INTS8: variants seen among roughly 807,000 people sequenced by gnomAD.
The protein encoded by INTS8 is protein kaonashi-1.
A neutral mutation model predicts 138.9 loss-of-function variants in INTS8; 47 were observed. The observed-to-expected ratio is 0.34, with a 90% CI of 0.27 to 0.43. The LOEUF (loss-of-function observed/expected upper bound fraction) is 0.43. Ranked by LOEUF, INTS8 falls within the 20% of genes least tolerant of loss-of-function variation. INTS8 has a pLI of 1.00. For missense variants in INTS8, 996 were observed against 1,173.0 expected (o/e 0.85, Z 2.20); for synonymous variants, 392 against 400.9 (o/e 0.98, Z 0.27).
At chr8:94,869,565 T>C (rs182971241) in intron 20 of INTS8, among the ~76,000 whole-genome samples, 17 of 152,240 alleles carry the variant, frequency 1.1e-4, no homozygotes, top group Non-Finnish European at 1.9e-4. Context: ...TGATCTCAGC[T>C]CACTGCAACC....
intron 6 of INTS8, among the ~76,000 whole-genome samples, chr8:94,832,917 G>A (rs555560250): frequency 6.6e-6 from 1 of 152,260 alleles, no homozygotes; most frequent in South Asian, 2.1e-4. Context: ...GTCTCCCAAA[G>A]TGCTGGGATT....
chr8:94,841,513 A>T lies in INTS8; in HGVS notation c.1040A>T (p.Glu347Val). Residue 347 changes from glutamate to valine, a missense_variant, in exon 9 of 27, where the codon GAA becomes GTA. Glu to Val is a moderately radical substitution (Grantham distance 121, BLOSUM62 -2). Transcript: ENST00000523731. ...TAGGAGGTAATACAGATTTTCATTG[A>T]AGACAACTTAACCTTGAGTTTACCT... is the stretch of plus-strand genomic sequence containing the variant. Reference protein sequence around the residue: ...NYQEVIQIFIEDNLTLSLPVQ... With the variant: ...NYQEVIQIFIVDNLTLSLPVQ... 1 of 1,601,820 alleles carries T rather than the reference A, an allele frequency of 6.2e-7. No homozygotes were observed. Among genetic ancestry groups the T allele is most frequent in the Non-Finnish European group, 8.5e-7 (1 of 1,171,680 alleles).
At chr8:94,844,195 C>T (rs1181820436) in intron 10 of INTS8, among the ~76,000 whole-genome samples, 14 of 151,954 alleles carry the variant, frequency 9.2e-5, no homozygotes, top group East Asian at 5.8e-4. Context: ...TGCGCTACCA[C>T]GCCTGGCTAA....
At chr8:94,846,193 T>G (rs1815326950) in intron 10 of INTS8, among the ~76,000 whole-genome samples, 1 of 152,224 alleles carries the variant, frequency 6.6e-6, no homozygotes, top group Admixed American at 6.5e-5. Flanking sequence ...CTATTCATAT[T>G]TTTTTCCATT....
chr8:94,826,440 A>AAGTG (rs1814507382), intron 2 of INTS8, among the ~76,000 whole-genome samples: 1 of 151,958 alleles, frequency 6.6e-6, no homozygotes, highest in Admixed American at 6.6e-5. Flanking sequence ...CGCCACCATA[A>AAGTG]AGTGTATTTT....
At chr8:94,828,412 T>C (rs577829245) in intron 4 of INTS8, among the ~76,000 whole-genome samples, 1 of 152,326 alleles carries the variant, frequency 6.6e-6, no homozygotes, top group South Asian at 2.1e-4. Context: ...TATGTCAATA[T>C]TAGAGTACAA....
At chr8:94,869,173 G>T (rs531086393) in intron 20 of INTS8, among the ~76,000 whole-genome samples, 14 of 151,850 alleles carry the variant, frequency 9.2e-5, no homozygotes, top group South Asian at 6.2e-4. Context: ...GTAGAGACAG[G>T]TTTCTTCATG....
intron 2 of INTS8, among the ~76,000 whole-genome samples, chr8:94,825,856 ATTTT>A (rs960850077): frequency 6.6e-6 from 1 of 151,846 alleles, no homozygotes; most frequent in African/African-American, 2.4e-5. Flanking sequence ...TTTTCATGTA[ATTTT>A]TTTTCTTTGT....
At chr8:94,833,894 C>T (rs1814818947) in intron 6 of INTS8, among the ~76,000 whole-genome samples, 1 of 152,158 alleles carries the variant, frequency 6.6e-6, no homozygotes, top group Non-Finnish European at 1.5e-5. Flanking sequence ...GCCTCAGCCT[C>T]CCAAGTAGCT....
At chr8:94,830,778 A>G (rs899344287) in intron 5 of INTS8, among the ~76,000 whole-genome samples, 1 of 152,062 alleles carries the variant, frequency 6.6e-6, no homozygotes, top group African/African-American at 2.4e-5. Context: ...TATTACATAT[A>G]TGAGTCACTG....
chr8:94,867,948 A>C (rs2131064237), intron 20 of INTS8: 1 of 152,364 alleles, frequency 6.6e-6, no homozygotes, highest in East Asian at 1.9e-4. Context: ...TCAGGTTTCC[A>C]GCATCTTATT....
intron 26 of INTS8, 73 bp downstream of exon 26, chr8:94,876,562 C>T (rs1208193034): frequency 6.5e-6 from 6 of 923,548 alleles, no homozygotes; most frequent in Non-Finnish European, 9.7e-6. Context: ...TGTGAACCAA[C>T]AAAAAATAGA....
chr8:94,876,750 T>TA, intron 26 of INTS8: 1 of 370,032 alleles, frequency 2.7e-6, no homozygotes, highest in East Asian at 4.9e-5. Flanking sequence ...TTAAAAGTCT[T>TA]ACGATGGCTT....
rs1371744097 is a variant in INTS8 at position 94,881,127 on chromosome 8, CCTT to C, written c.*894_*896del. The C allele has an allele frequency of 2.5e-6, 1 of 395,836 alleles. No homozygotes were observed. Among genetic ancestry groups the C allele is most frequent in the Non-Finnish European group, 4.5e-6 (1 of 224,672 alleles). The allele number at this position is 395,836 out of a possible 1,614,324, so 24.5% of individuals were successfully genotyped here. A position where few individuals can be genotyped will look rare whatever the true frequency, so the allele number is the denominator to read the frequency against. On this transcript the variant is annotated 3_prime_UTR_variant, in exon 27 of 27. Transcript: ENST00000523731. Reference sequence around the variant, plus strand: ...ATAGCAGCTATAGATAAATTAGTCACCTTATTACAAAACTAAACCTTTGTAAAC... The same window carrying C: ...ATAGCAGCTATAGATAAATTAGTCACATTACAAAACTAAACCTTTGTAAAC...
intron 13 of INTS8, among the ~76,000 whole-genome samples, chr8:94,852,189 C>T (rs7844910): frequency 0.016 from 2,411 of 152,254 alleles, 41 homozygotes; most frequent in East Asian, 0.076. Flanking sequence ...GTGATCTACC[C>T]GCCTCTGCCT....
chr8:94,840,747 C>G (rs1163305130), intron 8 of INTS8, among the ~76,000 whole-genome samples: 2 of 151,624 alleles, frequency 1.3e-5, no homozygotes, highest in Admixed American at 1.3e-4. Flanking sequence ...TTAGTAGAGA[C>G]GGGATTTCAC....
At chr8:94,862,161 AG>A (rs1479102317) in intron 16 of INTS8, among the ~76,000 whole-genome samples, 2 of 146,688 alleles carry the variant, frequency 1.4e-5, no homozygotes, top group Non-Finnish European at 3.0e-5. Context: ...TGGCAGGTCT[AG>A]AACTCCTGAC....
chr8:94,861,872 C>T (rs1816001719), intron 16 of INTS8, among the ~76,000 whole-genome samples: 1 of 150,696 alleles, frequency 6.6e-6, no homozygotes, highest in South Asian at 2.1e-4. Flanking sequence ...GTTATCTTTA[C>T]ACTTGCTCGT....
rs548350036 is a variant in INTS8, at chr8:94,873,651, G to T, written c.2637+174G>T. On this transcript the variant is annotated intron_variant, in intron 22 of 26. Coordinates refer to ENST00000523731, the MANE Select transcript of INTS8 (RefSeq NM_017864.4). The stretch of plus-strand genomic sequence containing the variant: ...ATTGTCCTTATTTCTAGCACCTATT[G>T]CTGTCTTGATTCCCCCAAAACACCT... 3 of 554,754 alleles carry T rather than the reference G, an allele frequency of 5.4e-6. No individual in the cohort carries two copies. The East Asian group carries it at 9.2e-5, about 17-fold the overall frequency. 34.4% of individuals were successfully genotyped at this position (554,754 alleles called of 1,614,324 possible).
Sources: gnomAD v4.1 joint callset for allele counts (sites outside exome capture counted in the v4.1 genomes callset) on GRCh38, gnomAD v4.1.1 for gene constraint, MANE v1.5 for transcripts, NCBI Gene and HGNC (gene_info 2026-07-23, HGNC 2026-07-21) for gene names.